The following GABRG3 variants were observed in gnomAD, a reference collection of about 807,000 sequenced individuals.
The protein encoded by GABRG3 is gamma-aminobutyric acid type A receptor subunit gamma3.
In GABRG3, 25 loss-of-function variants were observed where a neutral mutation model predicts 48.8. The ratio of observed to expected loss-of-function variants is 0.51; its 90% CI spans 0.37 to 0.72. GABRG3 has a LOEUF of 0.72. Ranked by LOEUF, GABRG3 falls within the 30% of genes least tolerant of loss-of-function variation. GABRG3 has a pLI of 0.00. For synonymous variants in GABRG3, 227 were observed against 217.6 expected, an observed-to-expected ratio of 1.04 and a Z score of -0.38; for missense variants, 394 against 577.9, an observed-to-expected ratio of 0.68 and a Z score of 3.26.
At chr15:27,239,535 C>G (rs1890074882) in intron 3 of GABRG3, among the ~76,000 whole-genome samples, 1 of 152,158 alleles carries the variant, frequency 6.6e-6, no homozygotes, top group Non-Finnish European at 1.5e-5. Context: ...CTTTTAAACA[C>G]AAAGATGTGC....
intron 5 of GABRG3, among the ~76,000 whole-genome samples, chr15:27,338,835 C>G (rs1350862376): frequency 6.6e-6 from 1 of 152,216 alleles, no homozygotes; most frequent in Non-Finnish European, 1.5e-5. Context: ...ATATAGAGTA[C>G]AGCAAACTGT....
At chr15:27,101,842 T>TG (rs1470991730) in intron 3 of GABRG3, among the ~76,000 whole-genome samples, 1 of 72,530 alleles carries the variant, frequency 1.4e-5, no homozygotes, top group African/African-American at 5.4e-5. Context: ...GCTGATGAGC[T>TG]AAAAAAAAAA....
At chr15:27,369,140 C>T (rs1337757617) in intron 5 of GABRG3, among the ~76,000 whole-genome samples, 1 of 152,182 alleles carries the variant, frequency 6.6e-6, no homozygotes, top group African/African-American at 2.4e-5. Context: ...TAAAGGATTT[C>T]TGAATTTTAG....
chr15:27,485,444 A>G (rs1404924841), intron 6 of GABRG3, among the ~76,000 whole-genome samples: 2 of 152,138 alleles, frequency 1.3e-5, no homozygotes, highest in Non-Finnish European at 2.9e-5. Context: ...AAAGAGCATC[A>G]CTGAGGTTGC....
chr15:27,350,277 G>T (rs1894517589), intron 5 of GABRG3: 1 of 437,540 alleles, frequency 2.3e-6, no homozygotes, highest in Admixed American at 2.4e-5. Flanking sequence ...TGCCTCCATG[G>T]GGCCCACAGA....
At position 26,974,843 on chromosome 15, in the gene GABRG3, TTTATTATTATTATTATTA is replaced by T. The variant is rs59391125; in HGVS notation, c.54-2129_54-2112del. Among the ~76,000 whole-genome samples, 1,017 of 140,844 alleles carry T rather than the reference TTTATTATTATTATTATTA, an allele frequency of 7.2e-3. 13 individuals are homozygous for T. The highest frequency in any genetic ancestry group is 0.02 in the African/African-American group (780 of 38,394). The allele number at this position is 140,844 out of a possible 152,430, so 92.4% of individuals were successfully genotyped here. ...CAGATGACACGAAATATTTTTTAAA[TTTATTATTATTATTATTA>T]TTATTATTATTATTATTATTATTAT... On this transcript the variant is annotated intron_variant, in intron 1 of 9. Transcript: ENST00000615808. This position sits in a 1 kb window ranked among gnomAD's most constrained non-coding sequence, Gnocchi z 4.3.
At chr15:26,980,994 A>G (rs1406085928) in intron 2 of GABRG3, among the ~76,000 whole-genome samples, 1 of 152,192 alleles carries the variant, frequency 6.6e-6, no homozygotes, top group African/African-American at 2.4e-5. Context: ...TACCTGGGTG[A>G]TGAAATAATC....
chr15:27,101,396 T>G (rs995371948), intron 3 of GABRG3, among the ~76,000 whole-genome samples: 3 of 152,224 alleles, frequency 2.0e-5, no homozygotes, highest in Non-Finnish European at 4.4e-5. Context: ...TTACGTGATC[T>G]GCAGGTTTAA....
chr15:27,097,316 AC>A (rs892003404), intron 3 of GABRG3, among the ~76,000 whole-genome samples: 1 of 151,936 alleles, frequency 6.6e-6, no homozygotes, highest in Non-Finnish European at 1.5e-5. Context: ...GCTCCTGGGG[AC>A]CCTGGGTACT....
chr15:27,330,486 T>A (rs1893767792), intron 5 of GABRG3, among the ~76,000 whole-genome samples: 1 of 152,224 alleles, frequency 6.6e-6, no homozygotes, highest in Non-Finnish European at 1.5e-5. Flanking sequence ...GCACGTGTTC[T>A]CACTGGAAAC....
chr15:27,420,259 A>T (rs1481153575), intron 5 of GABRG3, among the ~76,000 whole-genome samples: 2 of 152,244 alleles, frequency 1.3e-5, no homozygotes, highest in Non-Finnish European at 2.9e-5. Flanking sequence ...TATAAATCTC[A>T]CTAAGAAAAA....
intron 5 of GABRG3, among the ~76,000 whole-genome samples, chr15:27,438,738 T>C (rs1445894179): frequency 6.6e-6 from 1 of 152,194 alleles, no homozygotes; most frequent in Admixed American, 6.5e-5. Context: ...AAGAGCTACG[T>C]TTTTCTTCAA....
At chr15:27,308,437 T>TTA (rs1323639847) in intron 3 of GABRG3, among the ~76,000 whole-genome samples, 35 of 145,138 alleles carry the variant, frequency 2.4e-4, no homozygotes, top group African/African-American at 7.5e-4. Context: ...ACATACCTGT[T>TTA]TATATAAACA....
intron 5 of GABRG3, among the ~76,000 whole-genome samples, chr15:27,374,718 T>C (rs901861860): frequency 3.9e-5 from 6 of 152,234 alleles, no homozygotes; most frequent in African/African-American, 9.6e-5. Context: ...GTTACCATGT[T>C]GTGGACCACA....
At chr15:27,396,077 G>A (rs1595727339) in intron 5 of GABRG3, among the ~76,000 whole-genome samples, 1 of 152,058 alleles carries the variant, frequency 6.6e-6, no homozygotes, top group Non-Finnish European at 1.5e-5. Flanking sequence ...TGCCCAGGCT[G>A]GTCTCGAACC....
chr15:27,410,746 A>G (rs1887769597), intron 5 of GABRG3, among the ~76,000 whole-genome samples: 1 of 151,444 alleles, frequency 6.6e-6, no homozygotes, highest in Non-Finnish European at 1.5e-5. Flanking sequence ...TTCCAAAGCC[A>G]TTTTTGCTGA....
chr15:27,077,814 G>C (rs867538976), intron 3 of GABRG3, among the ~76,000 whole-genome samples: 10 of 152,258 alleles, frequency 6.6e-5, no homozygotes, highest in African/African-American at 2.4e-4. Flanking sequence ...AGTATTTAAG[G>C]CTGAGTCCTA....
Position 27,480,703 on chromosome 15 carries a change from G to A in GABRG3, c.628G>A (p.Ala210Thr), listed in dbSNP as rs750464172. 4.3e-6 allele frequency: 7 copies of A among 1,612,856 alleles called. No individual in the cohort carries two copies. The Admixed American group carries it at 1.0e-4, about 23-fold the overall frequency. ...TAGATGGAGAAAAAATTCAGTGGAG[G>A]CAGCTGACCAGAAATCATGGCGGCT... is the stretch of plus-strand genomic sequence containing the variant. ...IYRWRKNSVEAADQKSWRLYQ... is the reference protein window; with the variant it reads ...IYRWRKNSVETADQKSWRLYQ... Residue 210 changes from alanine to threonine, a missense_variant, in exon 6 of 10, where the codon GCA becomes ACA. Physicochemically the swap from Ala to Thr is moderately conservative, Grantham distance 58 (BLOSUM62 0). Coordinates refer to ENST00000615808, the MANE Select transcript of GABRG3 (RefSeq NM_033223.5).
At chr15:27,465,145 C>T (rs2150837444) in intron 5 of GABRG3, among the ~76,000 whole-genome samples, 1 of 152,328 alleles carries the variant, frequency 6.6e-6, no homozygotes, top group South Asian at 2.1e-4. Context: ...CTCTCAGCTG[C>T]TGGTGGAGGG....
Sources: gnomAD v4.1 joint callset for allele counts (sites outside exome capture counted in the v4.1 genomes callset) on GRCh38, gnomAD v4.1.1 for gene constraint, Gnocchi (gnomAD v3.1) non-coding constraint, MANE v1.5 for transcripts, NCBI Gene and HGNC (gene_info 2026-07-23, HGNC 2026-07-21) for gene names.